Variants in PHEX observed in about 807,000 individuals in gnomAD.
The protein encoded by PHEX is phosphate-regulating neutral endopeptidase PHEX.
PHEX carries 16 observed loss-of-function variants against 68.0 expected under a neutral mutation model. That is an observed-to-expected ratio of 0.24 (90% CI 0.16 to 0.36). PHEX has a LOEUF of 0.36. Among genes scored for constraint, PHEX ranks in the 10% least tolerant of loss-of-function variants. The pLI is 1.00. For synonymous variants in PHEX, 208 were observed against 205.1 expected (o/e 1.01, Z -0.12); for missense variants, 480 against 575.5 (o/e 0.83, Z 1.70).
At chrX:22,226,568 G>T in intron 19 of PHEX, 60 bp downstream of exon 19, 1 of 862,335 alleles carries the variant, frequency 1.2e-6, no homozygotes, top group Non-Finnish European at 1.7e-6. Context: ...CCATATGGGG[G>T]TACCTCAATT....
At chrX:22,116,554 A>G (rs767881195) in intron 11 of PHEX, among the ~76,000 whole-genome samples, 21 of 111,876 alleles carry the variant, frequency 1.9e-4, no homozygotes, top group Admixed American at 2.8e-4. Context: ...GATTGGTATC[A>G]CGTAGTGATA....
At chrX:22,236,403 G>A (rs772631072) in intron 20 of PHEX, among the ~76,000 whole-genome samples, 5 of 112,599 alleles carry the variant, frequency 4.4e-5, no homozygotes, top group African/African-American at 1.6e-4. Flanking sequence ...TATCTCCATA[G>A]CACCCAGCAA....
intron 1 of PHEX, among the ~76,000 whole-genome samples, chrX:22,036,991 C>T (rs762696512): frequency 1.1e-3 from 121 of 105,889 alleles, no homozygotes; most frequent in African/African-American, 3.6e-3. Flanking sequence ...CCCAGCTACT[C>T]GGGAGGCTGA....
chrX:22,032,448 T>C lies in PHEX; in HGVS notation c.-558T>C, dbSNP rs1926842097. On this transcript the variant is annotated 5_prime_UTR_variant, in exon 1 of 22. Transcript: ENST00000379374. ...CTCTTAGAAGGCTTTAAAAAGGGAC[T>C]CACACACTGAAAGAATATCTTTGAT... The C allele has an allele frequency of 8.4e-6, 1 of 119,116 alleles. No individual in the cohort carries two copies. Among genetic ancestry groups the C allele is most frequent in the South Asian group, 2.9e-4 (1 of 3,427 alleles). The allele number at this position is 119,116 out of a possible 1,213,427, so 9.8% of individuals were successfully genotyped here.
intron 9 of PHEX, 124 bp from the exon 10 acceptor site, chrX:22,111,343 T>G: frequency 1.7e-6 from 1 of 596,015 alleles, no homozygotes; most frequent in Non-Finnish European, 2.9e-6. Context: ...GTGAAAGTTC[T>G]GCATTTTTGT....
intron 18 of PHEX, among the ~76,000 whole-genome samples, chrX:22,225,921 A>G (rs1358582943): frequency 1.8e-5 from 2 of 111,885 alleles, no homozygotes; most frequent in African/African-American, 6.5e-5. Flanking sequence ...GATCTGCACT[A>G]CTTCTGTTTG....
chrX:22,223,292 T>A (rs1444586156), intron 18 of PHEX, among the ~76,000 whole-genome samples: 1 of 111,786 alleles, frequency 8.9e-6, no homozygotes, highest in Non-Finnish European at 1.9e-5. Flanking sequence ...AGATGCAGAC[T>A]GTCAGCAGCT....
At chrX:22,068,561 A>C (rs1462307910) in intron 3 of PHEX, among the ~76,000 whole-genome samples, 2 of 111,984 alleles carry the variant, frequency 1.8e-5, no homozygotes, top group African/African-American at 6.5e-5. Flanking sequence ...CCTGAGTCCA[A>C]ATCCTAGCTC....
intron 20 of PHEX, among the ~76,000 whole-genome samples, chrX:22,228,505 T>TA (rs1340661127): frequency 9.0e-6 from 1 of 111,720 alleles, no homozygotes; most frequent in Non-Finnish European, 1.9e-5. Flanking sequence ...TTAAAGCTAA[T>TA]AAAAAACACT....
chrX:22,238,477 C>T (rs1264424658), intron 20 of PHEX, among the ~76,000 whole-genome samples: 2 of 110,891 alleles, frequency 1.8e-5, no homozygotes, highest in Non-Finnish European at 3.8e-5. Flanking sequence ...GGGCTCGGTG[C>T]ATCCCACCCC....
intron 3 of PHEX, among the ~76,000 whole-genome samples, chrX:22,049,181 T>C (rs1214810002): frequency 8.9e-6 from 1 of 111,881 alleles, no homozygotes; most frequent in East Asian, 2.8e-4. Context: ...CGATCTCGGC[T>C]CACTGCAACC....
intron 11 of PHEX, among the ~76,000 whole-genome samples, chrX:22,122,763 A>G (rs1432532077): frequency 9.0e-6 from 1 of 110,830 alleles, no homozygotes; most frequent in Admixed American, 9.7e-5. Context: ...GGCAGAGGTG[A>G]TTGGAATGAC....
chrX:22,096,052 A>G (rs1930120393), intron 7 of PHEX, among the ~76,000 whole-genome samples: 1 of 111,799 alleles, frequency 8.9e-6, no homozygotes, highest in African/African-American at 3.3e-5. Context: ...GTCCTGAGTC[A>G]TAGTTCAAAC....
At chrX:22,091,248 C>G in intron 6 of PHEX, among the ~76,000 whole-genome samples, 1 of 111,776 alleles carries the variant, frequency 8.9e-6, no homozygotes, top group Non-Finnish European at 1.9e-5. Flanking sequence ...TGAGGACACT[C>G]ACCAAAGAGG....
At chrX:22,038,038 C>T (rs1461647932) in intron 1 of PHEX, among the ~76,000 whole-genome samples, 1 of 111,062 alleles carries the variant, frequency 9.0e-6, no homozygotes, top group Non-Finnish European at 1.9e-5. Flanking sequence ...GAGAGTGTCT[C>T]GCCCAGTGGT....
chrX:22,168,426 C>A (rs762707413), intron 13 of PHEX, 37 bp downstream of exon 13: 53 of 928,820 alleles, frequency 5.7e-5, no homozygotes, highest in Non-Finnish European at 7.8e-5. Context: ...TTTTTTCTGG[C>A]AAGTTTTACT....
intron 5 of PHEX, among the ~76,000 whole-genome samples, chrX:22,082,970 G>A (rs1929461408): frequency 8.9e-6 from 1 of 111,872 alleles, no homozygotes; most frequent in South Asian, 3.7e-4. Flanking sequence ...GTATAAGGCT[G>A]TAGTAACAAA....
chrX:22,114,443 A>C lies in PHEX; in HGVS notation c.1174-15A>C. ...ATCCAAATGAAGTTTAATCTGGATC[A>C]ATTATCTCCCACAGGTAATCCAGGG... On this transcript the variant is annotated splice_polypyrimidine_tract_variant and intron_variant, in intron 10 of 21. Coordinates refer to ENST00000379374, the MANE Select transcript of PHEX (RefSeq NM_000444.6). 1.7e-6 allele frequency: 2 copies of C among 1,201,771 alleles called. No individual in the cohort carries two copies. Among genetic ancestry groups the C allele is most frequent in the South Asian group, 1.8e-5 (1 of 56,725 alleles).
rs150131168 is a variant in PHEX, at chrX:22,112,054, A to G, written c.1173+494A>G. ...CTTTGCCTATACCTTCCATCTTTGAATCTATCCTCTGCTAGGTCCAAGAGG... is the reference window on the plus strand; with the variant it reads ...CTTTGCCTATACCTTCCATCTTTGAGTCTATCCTCTGCTAGGTCCAAGAGG... On this transcript the variant is annotated intron_variant, in intron 10 of 21. Coordinates refer to ENST00000379374, the MANE Select transcript of PHEX (RefSeq NM_000444.6). Among the ~76,000 whole-genome samples, 514 of 112,208 alleles carry G rather than the reference A, an allele frequency of 4.6e-3. 2 individuals carry two copies. Among genetic ancestry groups the G allele is most frequent in the Non-Finnish European group, 7.3e-3 (389 of 53,265 alleles).
Sources: gnomAD v4.1 joint callset for allele counts (sites outside exome capture counted in the v4.1 genomes callset) on GRCh38, gnomAD v4.1.1 for gene constraint, MANE v1.5 for transcripts, NCBI Gene and HGNC (gene_info 2026-07-23, HGNC 2026-07-21) for gene names.